STAG2: variants seen among roughly 807,000 people sequenced by gnomAD.
The protein encoded by STAG2 is STAG2 cohesin complex component, also known as cohesin subunit SA-2.
STAG2 carries 14 observed loss-of-function variants against 108.1 expected under a neutral mutation model. The observed-to-expected ratio is 0.13, with a 90% confidence interval of 0.09 to 0.20. The LOEUF is 0.20. Ranked by LOEUF, STAG2 falls within the 10% of genes least tolerant of loss-of-function variation. The pLI, the probability that STAG2 is intolerant of heterozygous loss-of-function variation, is 1.00. For synonymous variants in STAG2, 307 were observed against 302.7 expected, an observed-to-expected ratio of 1.01 and a Z score of -0.15; for missense variants, 440 against 940.9, an observed-to-expected ratio of 0.47 and a Z score of 6.96.
chrX:124,025,953 T>C, intron 4 of STAG2, 35 bp downstream of exon 4: 1 of 1,002,185 alleles, frequency 1.0e-6, no homozygotes, highest in African/African-American at 1.9e-5. Context: ...TTTTGTTTCC[T>C]AAGATCTCAC....
intron 1 of STAG2, among the ~76,000 whole-genome samples, chrX:123,978,285 A>G (rs1412043721): frequency 9.3e-6 from 1 of 107,380 alleles, no homozygotes; most frequent in Admixed American, 1.0e-4. Flanking sequence ...CCCAGTTTCC[A>G]TTAGCTATTC....
intron 1 of STAG2, among the ~76,000 whole-genome samples, chrX:123,998,704 ATAAT>A (rs1397307542): frequency 1.8e-5 from 2 of 110,518 alleles, no homozygotes; most frequent in Admixed American, 9.8e-5. Context: ...TACTTCCCTA[ATAAT>A]TAGTGACCTG....
chrX:124,050,334 T>G (rs375573583), intron 11 of STAG2, 25 bp downstream of exon 11: 97 of 1,184,108 alleles, frequency 8.2e-5, no homozygotes, highest in Non-Finnish European at 1.0e-4. Context: ...TCAGACTGCT[T>G]CTTTCTACAC....
chrX:124,058,116 C>T (rs755892504), intron 15 of STAG2, 139 bp downstream of exon 15: 17 of 294,171 alleles, frequency 5.8e-5, no homozygotes. Context: ...CCCCCACTCC[C>T]CCAATTTTTT....
chrX:124,001,211 C>G (rs1489061020), intron 1 of STAG2, among the ~76,000 whole-genome samples: 1 of 111,029 alleles, frequency 9.0e-6, no homozygotes, highest in Non-Finnish European at 1.9e-5. Context: ...CTGCCTCAGC[C>G]TCCCGAGTAG....
chrX:124,017,539 T>C (rs1167796614), intron 1 of STAG2, among the ~76,000 whole-genome samples: 1 of 111,529 alleles, frequency 9.0e-6, no homozygotes, highest in Non-Finnish European at 1.9e-5. Context: ...AAACAGTAAT[T>C]ATTTTGGGGG....
At position 124,028,691 on chromosome X, in the gene STAG2, T is replaced by G. The variant is rs368725623; in HGVS notation, c.124-2270T>G. Among the ~76,000 whole-genome samples the G allele has an allele frequency of 3.7e-5, 4 of 107,855 alleles. No homozygotes were observed. The East Asian group carries it at 8.7e-4, about 24-fold the overall frequency. 93.7% of individuals were successfully genotyped at this position (107,855 alleles called of 115,157 possible). On this transcript the variant is annotated intron_variant, in intron 4 of 34. Coordinates refer to ENST00000371145, the MANE Select transcript of STAG2 (RefSeq NM_001042750.2). ...CCCTCTAAGGAATAAAGTACATAAATACCACAGGCTTTCAGTGGAAAGAAA... is the reference window on the plus strand; with the variant it reads ...CCCTCTAAGGAATAAAGTACATAAAGACCACAGGCTTTCAGTGGAAAGAAA...
At chrX:124,012,535 G>A (rs1311270992) in intron 1 of STAG2, among the ~76,000 whole-genome samples, 1 of 111,893 alleles carries the variant, frequency 8.9e-6, no homozygotes, top group Non-Finnish European at 1.9e-5. Context: ...TCAAGCCTAT[G>A]AATTGTGTAC....
intron 7 of STAG2, among the ~76,000 whole-genome samples, chrX:124,044,512 A>G (rs1187623285): frequency 9.0e-6 from 1 of 111,400 alleles, no homozygotes; most frequent in East Asian, 2.8e-4. Flanking sequence ...TAGATGTTCT[A>G]TATGGTATTG....
intron 30 of STAG2, among the ~76,000 whole-genome samples, chrX:124,088,724 C>A (rs886512297): frequency 3.2e-4 from 34 of 106,130 alleles, no homozygotes; most frequent in African/African-American, 1.1e-3. Context: ...AAGCGATTCT[C>A]CTGCCTCAGC....
chrX:124,058,180 C>T (rs1204577420), intron 15 of STAG2, among the ~76,000 whole-genome samples: 6 of 76,344 alleles, frequency 7.9e-5, no homozygotes, highest in African/African-American at 2.1e-4. Context: ...TTTTTTGAGA[C>T]GGAGTCTTGC....
chrX:124,049,326 G>C (rs1282357741), intron 10 of STAG2, among the ~76,000 whole-genome samples: 1 of 111,487 alleles, frequency 9.0e-6, no homozygotes, highest in African/African-American at 3.3e-5. Flanking sequence ...CTGCTATTTG[G>C]AGTTGGGCTA....
intron 1 of STAG2, among the ~76,000 whole-genome samples, chrX:124,002,470 C>A: frequency 9.0e-6 from 1 of 111,478 alleles, no homozygotes; most frequent in East Asian, 2.8e-4. Context: ...TGTATCTTTC[C>A]TGTAGATACG....
intron 27 of STAG2, among the ~76,000 whole-genome samples, chrX:124,079,178 G>A (rs1467431374): frequency 2.0e-5 from 2 of 99,831 alleles, no homozygotes; most frequent in African/African-American, 7.3e-5. Context: ...TCGCCCTGTC[G>A]CCCAGGCTGG....
intron 4 of STAG2, among the ~76,000 whole-genome samples, chrX:124,029,167 C>T (rs1280541660): frequency 4.7e-5 from 5 of 106,905 alleles, no homozygotes; most frequent in Admixed American, 2.0e-4. Flanking sequence ...CAGGTGCCTG[C>T]CACCACGCCC....
chrX:124,029,803 T>G (rs2057275412), intron 4 of STAG2, among the ~76,000 whole-genome samples: 1 of 111,346 alleles, frequency 9.0e-6, no homozygotes, highest in African/African-American at 3.3e-5. Context: ...CGGAATACCT[T>G]TCTGTAAAGT....
chrX:123,982,507 T>C (rs1212822110), intron 1 of STAG2, among the ~76,000 whole-genome samples: 1 of 111,236 alleles, frequency 9.0e-6, no homozygotes, highest in Non-Finnish European at 1.9e-5. Context: ...TTCTTGTGTT[T>C]TGGCCTTCTG....
intron 13 of STAG2, among the ~76,000 whole-genome samples, chrX:124,055,880 A>G (rs766412616): frequency 1.8e-5 from 2 of 111,940 alleles, no homozygotes; most frequent in Non-Finnish European, 3.8e-5. Context: ...GTTAGCATCC[A>G]TGTGACATAA....
chrX:124,044,693 A>G (rs1005008545), intron 7 of STAG2, among the ~76,000 whole-genome samples: 2 of 111,999 alleles, frequency 1.8e-5, no homozygotes, highest in Non-Finnish European at 3.8e-5. Flanking sequence ...ATGATTGTTT[A>G]TATCTGTTGA....
Sources: gnomAD v4.1 joint callset for allele counts (sites outside exome capture counted in the v4.1 genomes callset) on GRCh38, gnomAD v4.1.1 for gene constraint, MANE v1.5 for transcripts, NCBI Gene and HGNC (gene_info 2026-07-23, HGNC 2026-07-21) for gene names.